The following PCDH11X variants were observed in gnomAD, a reference collection of about 807,000 sequenced individuals.
The protein encoded by PCDH11X is protocadherin-11 X-linked.
Under a neutral mutation model 53.3 loss-of-function variants are expected in PCDH11X, and 18 were observed. The observed-to-expected ratio is 0.34, with a 90% confidence interval of 0.23 to 0.50. The LOEUF is 0.50. Among genes scored for constraint, PCDH11X ranks in the 20% least tolerant of loss-of-function variants. The pLI is 0.98. For synonymous variants in PCDH11X, 279 were observed against 393.3 expected (o/e 0.71, Z 3.44); for missense variants, 570 against 1,032.4 (o/e 0.55, Z 6.14).
At chrX:91,783,012 G>GA (rs1935211554) in intron 1 of PCDH11X, among the ~76,000 whole-genome samples, 1 of 111,532 alleles carries the variant, frequency 9.0e-6, no homozygotes, top group East Asian at 2.8e-4. Context: ...CCTTCCAAAG[G>GA]AAAAAACCTT....
At chrX:92,399,112 G>A (rs1342089631) in intron 9 of PCDH11X, among the ~76,000 whole-genome samples, 2 of 107,231 alleles carry the variant, frequency 1.9e-5, no homozygotes, top group Non-Finnish European at 3.8e-5. Flanking sequence ...AGAATGGCAT[G>A]AACCCTGGAG....
intron 10 of PCDH11X, among the ~76,000 whole-genome samples, chrX:92,597,122 G>A (rs1925703467): frequency 9.0e-6 from 1 of 111,349 alleles, no homozygotes; most frequent in Admixed American, 9.6e-5. Flanking sequence ...TTTGCAACGT[G>A]ACAAGGATGC....
intron 9 of PCDH11X, among the ~76,000 whole-genome samples, chrX:92,442,144 C>A (rs2072529396): frequency 9.0e-6 from 1 of 111,472 alleles, no homozygotes; most frequent in South Asian, 3.8e-4. Context: ...CCCATTGTAT[C>A]TAGGAAGTAA....
chrX:91,978,412 C>T (rs2062075526), intron 6 of PCDH11X, among the ~76,000 whole-genome samples: 1 of 105,041 alleles, frequency 9.5e-6, no homozygotes, highest in Non-Finnish European at 2.0e-5. Context: ...ACACTTCGCA[C>T]ATCTCTTCAT....
At chrX:92,501,568 C>T (rs1211699371) in intron 10 of PCDH11X, among the ~76,000 whole-genome samples, 1 of 111,706 alleles carries the variant, frequency 9.0e-6, no homozygotes, top group Non-Finnish European at 1.9e-5. Context: ...TCAAGGCTGG[C>T]TCAACATACG....
At chrX:92,238,013 T>C (rs920993350) in intron 7 of PCDH11X, among the ~76,000 whole-genome samples, 1 of 111,770 alleles carries the variant, frequency 8.9e-6, no homozygotes, top group African/African-American at 3.2e-5. Context: ...CTCAATATTT[T>C]ATCCATAGAA....
chrX:92,130,622 C>T (rs1453640408), intron 6 of PCDH11X, among the ~76,000 whole-genome samples: 22 of 101,652 alleles, frequency 2.2e-4, no homozygotes, highest in Non-Finnish European at 3.5e-4. Flanking sequence ...TGCACTCCAG[C>T]CTGGGCAACA....
At chrX:92,590,041 T>G (rs1403949058) in intron 10 of PCDH11X, among the ~76,000 whole-genome samples, 2 of 109,097 alleles carry the variant, frequency 1.8e-5, no homozygotes, top group East Asian at 5.8e-4. Context: ...TTTGCATATC[T>G]GACACCCATG....
intron 8 of PCDH11X, among the ~76,000 whole-genome samples, chrX:92,271,223 T>G (rs1018620308): frequency 3.8e-4 from 43 of 112,176 alleles, no homozygotes; most frequent in African/African-American, 1.3e-3. Flanking sequence ...AGCTGTAAAT[T>G]TCTTTTACAA....
chrX:92,505,625 G>T (rs1008036252), intron 10 of PCDH11X, among the ~76,000 whole-genome samples: 4 of 111,145 alleles, frequency 3.6e-5, no homozygotes, highest in Admixed American at 9.6e-5. Context: ...TTTGAAGTTG[G>T]ATAATGTGAT....
At chrX:92,442,560 C>T (rs1472282947) in intron 9 of PCDH11X, among the ~76,000 whole-genome samples, 1 of 111,210 alleles carries the variant, frequency 9.0e-6, no homozygotes, top group African/African-American at 3.3e-5. Flanking sequence ...GTGAGGCTTC[C>T]CCAGCCATAT....
intron 6 of PCDH11X, among the ~76,000 whole-genome samples, chrX:91,919,117 C>G (rs973501736): frequency 5.4e-5 from 6 of 111,759 alleles, no homozygotes; most frequent in African/African-American, 1.6e-4. Context: ...GAGAACTACT[C>G]AGGTCAGAAT....
At chrX:91,939,901 A>G (rs2061487980) in intron 6 of PCDH11X, among the ~76,000 whole-genome samples, 3 of 110,778 alleles carry the variant, frequency 2.7e-5, no homozygotes, top group African/African-American at 6.6e-5. Context: ...ACAAAGAATA[A>G]CACTACAAAT....
intron 8 of PCDH11X, among the ~76,000 whole-genome samples, chrX:92,286,470 A>G (rs76115850): frequency 2.0e-5 from 2 of 99,025 alleles, no homozygotes; most frequent in Non-Finnish European, 4.1e-5. Context: ...AAAAAAAAAA[A>G]GGAAAGGAAA....
At chrX:92,393,917 A>T (rs190431888) in intron 9 of PCDH11X, among the ~76,000 whole-genome samples, 1 of 111,445 alleles carries the variant, frequency 9.0e-6, no homozygotes, top group Admixed American at 9.5e-5. Context: ...TTTACCATTT[A>T]AACTGACGTG....
At chrX:92,125,461 T>C (rs993633446) in intron 6 of PCDH11X, among the ~76,000 whole-genome samples, 1 of 111,090 alleles carries the variant, frequency 9.0e-6, no homozygotes, top group African/African-American at 3.3e-5. Flanking sequence ...TTAGTTATTA[T>C]CTGTCTCATT....
At chrX:91,924,780 T>C (rs1941882922) in intron 6 of PCDH11X, among the ~76,000 whole-genome samples, 1 of 110,802 alleles carries the variant, frequency 9.0e-6, no homozygotes, top group Admixed American at 9.6e-5. Flanking sequence ...TTAAGCACAT[T>C]TCTTCCTCCT....
chrX:91,840,122 A>T (rs1191070910), intron 5 of PCDH11X, among the ~76,000 whole-genome samples: 2 of 111,335 alleles, frequency 1.8e-5, no homozygotes, highest in Non-Finnish European at 3.8e-5. Context: ...TCTGACTCAG[A>T]ATATGTATAT....
chrX:91,805,660 A>ATTT (rs772321343), intron 1 of PCDH11X, among the ~76,000 whole-genome samples: 8 of 86,187 alleles, frequency 9.3e-5, no homozygotes, highest in African/African-American at 3.9e-4. Context: ...TACAAAAAAC[A>ATTT]TTTTTTTTTT....
Sources: allele counts gnomAD v4.1 joint callset (sites outside exome capture counted in the v4.1 genomes callset), GRCh38; gene constraint gnomAD v4.1.1; transcripts MANE v1.5; gene names NCBI Gene and HGNC (gene_info 2026-07-23, HGNC 2026-07-21).